Variants in XKR4 observed in about 807,000 individuals in gnomAD.
XKR4 encodes the protein XK related 4.
XKR4 carries 12 observed loss-of-function variants against 53.9 expected under a neutral mutation model. That is an observed-to-expected ratio of 0.22 (90% CI 0.14 to 0.36). The LOEUF (loss-of-function observed/expected upper bound fraction) is 0.36. Ranked by LOEUF, XKR4 falls within the 10% of genes least tolerant of loss-of-function variation. The probability of loss-of-function intolerance (pLI) is 1.00; values close to 1 mark genes in which losing one functional copy is unlikely to be tolerated. For missense variants in XKR4, 799 were observed against 859.5 expected (o/e 0.93, Z 0.88); for synonymous variants, 354 against 362.4 (o/e 0.98, Z 0.26).
intron 2 of XKR4, among the ~76,000 whole-genome samples, chr8:55,470,070 T>C (rs1805850029): frequency 2.6e-5 from 4 of 151,904 alleles, no homozygotes; most frequent in Admixed American, 2.0e-4. Context: ...CTATCTGATG[T>C]AATGGGGGAA....
chr8:55,144,141 C>G (rs1046997497), intron 1 of XKR4, among the ~76,000 whole-genome samples: 1 of 152,168 alleles, frequency 6.6e-6, no homozygotes, highest in Non-Finnish European at 1.5e-5. Flanking sequence ...CTTTATAAAA[C>G]AACACATTCA....
chr8:55,367,036 G>A (rs946286918), intron 2 of XKR4, among the ~76,000 whole-genome samples: 5 of 152,090 alleles, frequency 3.3e-5, no homozygotes, highest in African/African-American at 1.2e-4. Context: ...TTGTTTTCAA[G>A]TGTAACATAG....
chr8:55,492,108 A>T (rs557243320), intron 2 of XKR4, among the ~76,000 whole-genome samples: 2 of 152,162 alleles, frequency 1.3e-5, no homozygotes, highest in African/African-American at 4.8e-5. Context: ...AGGTGTCTCC[A>T]GGCAAAGAGC....
At chr8:55,115,005 G>C (rs1022682358) in intron 1 of XKR4, among the ~76,000 whole-genome samples, 1 of 152,164 alleles carries the variant, frequency 6.6e-6, no homozygotes, top group Non-Finnish European at 1.5e-5. Context: ...GCCAAGGACA[G>C]AGCTGTGGGC....
chr8:55,282,439 C>T (rs185300853), intron 1 of XKR4, among the ~76,000 whole-genome samples: 1 of 152,290 alleles, frequency 6.6e-6, no homozygotes, highest in African/African-American at 2.4e-5. Context: ...CCAGCATCTG[C>T]TTCTGATGAT....
chr8:55,112,562 GTTTTTTTTTTTTTT>G (rs761779642), intron 1 of XKR4, among the ~76,000 whole-genome samples: 3 of 77,216 alleles, frequency 3.9e-5, no homozygotes, highest in Middle Eastern at 0.022. Context: ...TACTTTTCAG[GTTTTTTTTTTTTTT>G]TTTTTTTTTT....
chr8:55,245,906 G>A (rs1818278616), intron 1 of XKR4, among the ~76,000 whole-genome samples: 1 of 152,096 alleles, frequency 6.6e-6, no homozygotes, highest in South Asian at 2.1e-4. Flanking sequence ...ACCAACTTGG[G>A]CAACATGGCA....
chr8:55,433,195 G>A (rs1805126619), intron 2 of XKR4, among the ~76,000 whole-genome samples: 2 of 152,126 alleles, frequency 1.3e-5, no homozygotes, highest in African/African-American at 2.4e-5. Flanking sequence ...GAGGAAAAGA[G>A]CTAACTATCT....
chr8:55,508,884 G>A (rs1186212429), intron 2 of XKR4, among the ~76,000 whole-genome samples: 1 of 152,192 alleles, frequency 6.6e-6, no homozygotes, highest in Non-Finnish European at 1.5e-5. Context: ...TTCGTGTACT[G>A]ACTTGACTTT....
chr8:55,442,088 A>G (rs974608413), intron 2 of XKR4, among the ~76,000 whole-genome samples: 1 of 152,154 alleles, frequency 6.6e-6, no homozygotes, highest in Non-Finnish European at 1.5e-5. Flanking sequence ...AAATTGATCA[A>G]TACCTAACAA....
At chr8:55,454,412 C>G in intron 2 of XKR4, 1 of 1,317,936 alleles carries the variant, frequency 7.6e-7, no homozygotes, top group East Asian at 2.4e-5. Context: ...TGCCAGGAGG[C>G]TCCTGCAGGC....
chr8:55,147,647 G>A (rs997853), intron 1 of XKR4, among the ~76,000 whole-genome samples: 4,748 of 152,232 alleles, frequency 0.031, 87 homozygotes, highest in African/African-American at 0.044. Flanking sequence ...GGCTTGAAAT[G>A]TAGTGCGTAT....
rs979948814 is a variant in XKR4 at position 55,535,455 on chromosome 8, T to A, written c.*11228T>A. 1 of 142,688 alleles carries A rather than the reference T, an allele frequency of 7.0e-6. No homozygotes were observed. Among genetic ancestry groups the A allele is most frequent in the Non-Finnish European group, 1.5e-5 (1 of 66,668 alleles). 8.8% of individuals were successfully genotyped at this position (142,688 alleles called of 1,614,324 possible). A position where few individuals can be genotyped will look rare whatever the true frequency, so the allele number is the denominator to read the frequency against. On this transcript the variant is annotated 3_prime_UTR_variant, in exon 3 of 3. Transcript: ENST00000327381. Reference sequence around the variant, plus strand: ...TGACTTATTTTCAATTGCCCAGCAATGAAAACTAACAAGTTAAAGAAAATG... The same window carrying A: ...TGACTTATTTTCAATTGCCCAGCAAAGAAAACTAACAAGTTAAAGAAAATG...
intron 1 of XKR4, among the ~76,000 whole-genome samples, chr8:55,167,315 C>T (rs1817083818): frequency 6.6e-6 from 1 of 152,202 alleles, no homozygotes; most frequent in African/African-American, 2.4e-5. Flanking sequence ...GCTGTGTGTC[C>T]TGGCCTCCTT....
chr8:55,491,107 A>G (rs2129402179), intron 2 of XKR4, among the ~76,000 whole-genome samples: 1 of 152,264 alleles, frequency 6.6e-6, no homozygotes, highest in Admixed American at 6.5e-5. Flanking sequence ...GAGGTCTAAT[A>G]TTCTGTTCTT....
chr8:55,384,685 A>G (rs1230256358), intron 2 of XKR4, among the ~76,000 whole-genome samples: 1 of 152,238 alleles, frequency 6.6e-6, no homozygotes. Context: ...TGACCTACAA[A>G]TTAATAAACA....
intron 2 of XKR4, among the ~76,000 whole-genome samples, chr8:55,404,490 A>G (rs1333339184): frequency 1.3e-5 from 2 of 152,188 alleles, no homozygotes; most frequent in African/African-American, 2.4e-5. Flanking sequence ...GGGCAATGGT[A>G]GCGTCATTTC....
At chr8:55,466,139 A>G (rs921737816) in intron 2 of XKR4, among the ~76,000 whole-genome samples, 6 of 152,170 alleles carry the variant, frequency 3.9e-5, no homozygotes, top group African/African-American at 1.4e-4. Context: ...ATTACTGGGT[A>G]TATACCCAAA....
intron 1 of XKR4, among the ~76,000 whole-genome samples, chr8:55,342,915 C>T (rs572838830): frequency 5.3e-5 from 8 of 152,292 alleles, no homozygotes; most frequent in Non-Finnish European, 2.9e-5. Flanking sequence ...TGTATTCCCT[C>T]GAGAGGAGTG....
Sources: gnomAD v4.1 joint callset for allele counts (sites outside exome capture counted in the v4.1 genomes callset) on GRCh38, gnomAD v4.1.1 for gene constraint, MANE v1.5 for transcripts, NCBI Gene and HGNC (gene_info 2026-07-23, HGNC 2026-07-21) for gene names.